TTC4: variants seen among roughly 807,000 people sequenced by gnomAD.
The protein encoded by TTC4 is hsp70/Hsp90 co-chaperone CNS1 homolog.
Under a neutral mutation model 51.9 loss-of-function variants are expected in TTC4, and 36 were observed. The observed-to-expected ratio is 0.69, with a 90% CI of 0.53 to 0.92. TTC4 has a LOEUF of 0.92. TTC4 is among the 40% of genes least tolerant of loss of function. The pLI, the probability that TTC4 is intolerant of heterozygous loss-of-function variation, is 0.00. For synonymous variants in TTC4, 144 were observed against 164.2 expected (o/e 0.88, Z 0.94); for missense variants, 399 against 454.6 (o/e 0.88, Z 1.11).
chr1:54,733,737 T>A, intron 8 of TTC4, 27 bp downstream of exon 8: 1 of 1,394,212 alleles, frequency 7.2e-7, no homozygotes, highest in Non-Finnish European at 9.8e-7. Flanking sequence ...TTCGTTCCTC[T>A]ATGGAATTAA....
intron 5 of TTC4, among the ~76,000 whole-genome samples, chr1:54,724,098 G>A (rs962777534): frequency 1.3e-5 from 2 of 152,182 alleles, no homozygotes; most frequent in African/African-American, 4.8e-5. Flanking sequence ...ATTAGGTCTA[G>A]GTGACATTAC....
chr1:54,730,406 G>A (rs566744259), intron 6 of TTC4, among the ~76,000 whole-genome samples: 50 of 151,986 alleles, frequency 3.3e-4, no homozygotes, highest in African/African-American at 1.1e-3. Flanking sequence ...GTTAAAGGGA[G>A]GAGTCAGCAA....
intron 9 of TTC4, among the ~76,000 whole-genome samples, chr1:54,738,349 A>G (rs1310167981): frequency 6.6e-6 from 1 of 152,146 alleles, no homozygotes; most frequent in Non-Finnish European, 1.5e-5. Context: ...ACAAGATGAG[A>G]TTTGGTTGGG....
intron 4 of TTC4, among the ~76,000 whole-genome samples, chr1:54,721,634 G>A (rs1645744520): frequency 6.6e-6 from 1 of 152,096 alleles, no homozygotes; most frequent in African/African-American, 2.4e-5. Flanking sequence ...GTTTTCTCTT[G>A]TAGTCTGACC....
chr1:54,721,353 C>T, intron 4 of TTC4, 113 bp downstream of exon 4: 2 of 870,334 alleles, frequency 2.3e-6, no homozygotes, highest in Non-Finnish European at 3.5e-6. Flanking sequence ...TGTTCCTTAT[C>T]AACAGCAACA....
intron 2 of TTC4, 126 bp downstream of exon 2, chr1:54,716,843 T>C (rs976981221): frequency 3.7e-5 from 27 of 739,586 alleles, no homozygotes; most frequent in Non-Finnish European, 5.9e-5. Flanking sequence ...TTCATTCCAA[T>C]ATACTTCTTT....
At chr1:54,717,378 T>C (rs956313563) in intron 2 of TTC4, 114 bp from the exon 3 acceptor site, 184 of 939,486 alleles carry the variant, frequency 2.0e-4, no homozygotes, top group Non-Finnish European at 2.5e-4. Context: ...CCTTTCCCTA[T>C]TGGTTTCTTC....
At position 54,741,981 on chromosome 1, in the gene TTC4, G is replaced by A. The variant is rs754258939; in HGVS notation, c.*468G>A. 8.1e-5 allele frequency: 13 copies of A among 160,446 alleles called. No individual in the cohort carries two copies. Among genetic ancestry groups the A allele is most frequent in the South Asian group, 1.9e-4 (1 of 5,356 alleles). 9.9% of individuals were successfully genotyped at this position (160,446 alleles called of 1,614,324 possible). A position where few individuals can be genotyped will look rare whatever the true frequency, so the allele number is the denominator to read the frequency against. The stretch of plus-strand genomic sequence containing the variant: ...ACCCTGGCCTCAAGTTATTTCATGC[G>A]CACAGAGGGAAGCCATGTGGGGTTG... On this transcript the variant is annotated 3_prime_UTR_variant, in exon 10 of 10. Coordinates refer to ENST00000371281, the MANE Select transcript of TTC4 (RefSeq NM_004623.5).
chr1:54,717,558 T>C lies in TTC4; in HGVS notation c.296T>C (p.Val99Ala), dbSNP rs931380791. Residue 99 changes from valine to alanine, a missense_variant, in exon 3 of 10, where the codon GTA (valine) becomes GCA (alanine). Val to Ala is a moderately conservative substitution (Grantham distance 64). This residue lies in a region of TTC4 where 316 missense variants were observed against 349.6 expected (regional missense o/e 0.90). Transcript: ENST00000371281. ...YFKEKDYKKA[V>A]ISYTEGLKKK... ...AAAGAAAAAGACTACAAGAAAGCTG[T>C]AATTTCATACACTGAAGGCTTAAAG... 7.4e-6 allele frequency: 12 copies of C among 1,611,526 alleles called. No homozygotes were observed. The highest frequency in any genetic ancestry group is 1.0e-5 in the Non-Finnish European group (12 of 1,179,140).
At chr1:54,729,155 G>GGT (rs1645835811) in intron 6 of TTC4, among the ~76,000 whole-genome samples, 1 of 152,110 alleles carries the variant, frequency 6.6e-6, no homozygotes, top group Admixed American at 6.5e-5. Flanking sequence ...CTCACAGGTG[G>GGT]GTATCATCTA....
intron 3 of TTC4, 98 bp downstream of exon 3, chr1:54,717,751 C>T: frequency 9.0e-7 from 1 of 1,114,832 alleles, no homozygotes; most frequent in Non-Finnish European, 1.2e-6. Context: ...GGGCTGTTAT[C>T]CCAGAAACCC....
chr1:54,737,480 A>G, intron 8 of TTC4, 102 bp from the exon 9 acceptor site: 1 of 1,015,554 alleles, frequency 9.8e-7, no homozygotes, highest in Non-Finnish European at 1.5e-6. Flanking sequence ...GAGGCATTCA[A>G]CTACTAACCG....
chr1:54,734,420 G>A (rs375770510), intron 8 of TTC4, among the ~76,000 whole-genome samples: 4 of 151,866 alleles, frequency 2.6e-5, no homozygotes, highest in South Asian at 4.2e-4. Flanking sequence ...ACAGAATCTC[G>A]CTCTGTCACC....
intron 8 of TTC4, among the ~76,000 whole-genome samples, chr1:54,736,268 G>GTGTA (rs1557753179): frequency 0.01 from 1,192 of 117,836 alleles, 96 homozygotes; most frequent in African/African-American, 0.028. Flanking sequence ...GAGAGAGAGA[G>GTGTA]AGACCATGAA....
intron 5 of TTC4, among the ~76,000 whole-genome samples, chr1:54,724,353 C>T (rs1188625316): frequency 2.0e-5 from 3 of 151,644 alleles, no homozygotes; most frequent in Admixed American, 6.6e-5. Context: ...GCAGCCTTGA[C>T]CTCCTGGGAT....
chr1:54,732,898 A>G (rs55685401), intron 7 of TTC4, among the ~76,000 whole-genome samples: 1 of 151,208 alleles, frequency 6.6e-6, no homozygotes, highest in East Asian at 2.0e-4. Flanking sequence ...CCAGCCTGGC[A>G]AACATGGCAA....
intron 4 of TTC4, among the ~76,000 whole-genome samples, chr1:54,722,114 A>G (rs899684197): frequency 2.7e-5 from 4 of 148,668 alleles, no homozygotes; most frequent in Non-Finnish European, 5.9e-5. Context: ...AGAAAAATGT[A>G]CATGATAACA....
intron 7 of TTC4, among the ~76,000 whole-genome samples, chr1:54,732,548 C>T (rs1373618960): frequency 6.6e-6 from 1 of 151,096 alleles, no homozygotes; most frequent in Non-Finnish European, 1.5e-5. Flanking sequence ...AGCCTCCAGC[C>T]CCCAGGCTCA....
At position 54,741,634 on chromosome 1, in the gene TTC4, C is replaced by A; in HGVS notation, c.*121C>A. On this transcript the variant is annotated 3_prime_UTR_variant, in exon 10 of 10. Coordinates refer to ENST00000371281, the MANE Select transcript of TTC4 (RefSeq NM_004623.5). ...TCTTTCCGTCACCCTGGGGATAGTC[C>A]TTCCTGGCATCGTGGTGGGGGAGGA... is the stretch of plus-strand genomic sequence containing the variant. 1 of 829,426 alleles carries A rather than the reference C, an allele frequency of 1.2e-6. No individual in the cohort carries two copies. Among genetic ancestry groups the A allele is most frequent in the Non-Finnish European group, 2.0e-6 (1 of 512,314 alleles). The allele number at this position is 829,426 out of a possible 1,614,324, so 51.4% of individuals were successfully genotyped here. A position where few individuals can be genotyped will look rare whatever the true frequency, so the allele number is the denominator to read the frequency against.
Sources: allele counts gnomAD v4.1 joint callset (sites outside exome capture counted in the v4.1 genomes callset), GRCh38; gene constraint gnomAD v4.1.1; regional missense constraint gnomAD v4.1.1; transcripts MANE v1.5; gene names NCBI Gene and HGNC (gene_info 2026-07-23, HGNC 2026-07-21).